EP400: variants seen among roughly 807,000 people sequenced by gnomAD.
EP400 encodes the protein E1A binding protein p400.
In EP400, 105 loss-of-function variants were observed where a neutral mutation model predicts 354.1. That is an observed-to-expected ratio of 0.30 (90% CI 0.25 to 0.35). The LOEUF (loss-of-function observed/expected upper bound fraction) is 0.35, where lower values mean the gene tolerates loss of function less well. Ranked by LOEUF, EP400 falls within the 10% of genes least tolerant of loss-of-function variation. The pLI, the probability that EP400 is intolerant of heterozygous loss-of-function variation, is 1.00. For missense variants in EP400, 3,280 were observed against 4,121.0 expected, an observed-to-expected ratio of 0.80 and a Z score of 5.59; for synonymous variants, 1,646 against 1,716.9, an observed-to-expected ratio of 0.96 and a Z score of 1.02.
Position 132,018,907 on chromosome 12 carries a change from G to A in EP400, c.4277+531G>A, listed in dbSNP as rs1593350697. On this transcript the variant is annotated intron_variant, in intron 21 of 52. Transcript: ENST00000389561. This position sits in a 1 kb window ranked among gnomAD's most constrained non-coding sequence, Gnocchi z 4.0. ...CAAAATCCTATGCTTGGGTTAAAAAGAAAGGAAAGGAAAGGAAATAGGTAT... is the reference window on the plus strand; with the variant it reads ...CAAAATCCTATGCTTGGGTTAAAAAAAAAGGAAAGGAAAGGAAATAGGTAT... Among the ~76,000 whole-genome samples the A allele has an allele frequency of 6.6e-6, 1 of 152,186 alleles. No individual in the cohort carries two copies. Among genetic ancestry groups the A allele is most frequent in the East Asian group, 1.9e-4 (1 of 5,200 alleles).
rs758952293 is a variant in EP400, at chr12:132,025,781, G to T, written c.4991G>T (p.Ser1664Ile). ...AGCAAGCCCCCGGCCGGCGGTCCCAGCCCTGCACCCTTGACCCCACAAGGT... is the reference window on the plus strand; with the variant it reads ...AGCAAGCCCCCGGCCGGCGGTCCCATCCCTGCACCCTTGACCCCACAAGGT... ...LGSKPPAGGP[S>I]PAPLTPQVGV... is the part of the protein sequence containing the mutation. The change falls in exon 25 of 53, where the codon AGC becomes ATC. Residue 1664 changes from serine (S) to isoleucine (I), a missense_variant. This residue lies in a region of EP400 where 459 missense variants were observed against 496.9 expected (regional missense o/e 0.92). Coordinates refer to ENST00000389561, the MANE Select transcript of EP400 (RefSeq NM_015409.5). This position sits in a 1 kb window ranked among gnomAD's most constrained non-coding sequence, Gnocchi z 4.1. 2 of 1,609,382 alleles carry T rather than the reference G, an allele frequency of 1.2e-6. No homozygotes were observed. The highest frequency in any genetic ancestry group is 2.7e-5 in the African/African-American group (2 of 74,914).
chr12:131,952,998 AT>A (rs1891568029), intron 1 of EP400, among the ~76,000 whole-genome samples: 1 of 151,906 alleles, frequency 6.6e-6, no homozygotes, highest in African/African-American at 2.4e-5. Context: ...TTTGGAATTC[AT>A]TTTTCTGGGT....
At chr12:132,031,763 G>C (rs1894510475) in intron 29 of EP400, among the ~76,000 whole-genome samples, 190 bp from the exon 30 acceptor site, 1 of 152,110 alleles carries the variant, frequency 6.6e-6, no homozygotes, top group Non-Finnish European at 1.5e-5. Flanking sequence ...CGCCATGTTA[G>C]CCAGGATGAT....
rs1894266341 is a variant in EP400 at position 132,025,253 on chromosome 12, A to G, written c.4856-393A>G. Among the ~76,000 whole-genome samples, 1 of 152,152 alleles carries G rather than the reference A, an allele frequency of 6.6e-6. No homozygotes were observed. Among genetic ancestry groups the G allele is most frequent in the Non-Finnish European group, 1.5e-5 (1 of 68,032 alleles). ...GCAGCCTCGTTAAACAGCAGCAGAA[A>G]AGCCACAGGCATCTGGGCTAAAAAC... On this transcript the variant is annotated intron_variant, in intron 24 of 52. Coordinates refer to ENST00000389561, the MANE Select transcript of EP400 (RefSeq NM_015409.5). This position sits in a 1 kb window ranked among gnomAD's most constrained non-coding sequence, Gnocchi z 4.1.
intron 2 of EP400, among the ~76,000 whole-genome samples, chr12:131,970,467 T>A (rs946010679): frequency 5.3e-5 from 8 of 152,228 alleles, no homozygotes; most frequent in African/African-American, 2.4e-5. Context: ...GAGAGACTCT[T>A]GTGTTTGTGC....
intron 51 of EP400, among the ~76,000 whole-genome samples, chr12:132,074,176 C>T (rs1368404444): frequency 1.3e-5 from 2 of 151,834 alleles, no homozygotes; most frequent in Admixed American, 6.5e-5. Context: ...CCACCTGCCT[C>T]GGCCTCCCAA....
At chr12:132,016,062 G>A (rs994385905) in intron 19 of EP400, among the ~76,000 whole-genome samples, 1 of 152,204 alleles carries the variant, frequency 6.6e-6, no homozygotes, top group Non-Finnish European at 1.5e-5. Flanking sequence ...TTACCAGCCA[G>A]TTCATATGGG....
At chr12:131,998,080 C>T (rs1355073037) in intron 12 of EP400, among the ~76,000 whole-genome samples, 4 of 152,206 alleles carry the variant, frequency 2.6e-5, no homozygotes, top group South Asian at 2.1e-4. Flanking sequence ...CCAGCTCAGA[C>T]GTAAAACAGG....
intron 15 of EP400, among the ~76,000 whole-genome samples, chr12:132,010,934 C>T (rs1175229755): frequency 1.3e-5 from 2 of 152,154 alleles, no homozygotes; most frequent in African/African-American, 2.4e-5. Flanking sequence ...AAGAGCAACA[C>T]TCCATCTTAA....
intron 41 of EP400, 128 bp from the exon 42 acceptor site, chr12:132,053,018 G>C: frequency 3.1e-6 from 3 of 954,842 alleles, no homozygotes; most frequent in Non-Finnish European, 4.9e-6. Context: ...TGGGCACCTT[G>C]CTTTACGCCC....
At chr12:132,063,809 G>T (rs1895790181) in intron 47 of EP400, among the ~76,000 whole-genome samples, 1 of 152,152 alleles carries the variant, frequency 6.6e-6, no homozygotes, top group East Asian at 1.9e-4. Flanking sequence ...GGGCTGCATG[G>T]CCATATGTGG....
rs1896320293 is a variant in EP400 at position 132,079,301 on chromosome 12, T to C, written c.*1628T>C. 1 of 152,270 alleles carries C rather than the reference T, an allele frequency of 6.6e-6. No homozygotes were observed. Among genetic ancestry groups the C allele is most frequent in the African/African-American group, 2.4e-5 (1 of 41,466 alleles). 9.4% of individuals were successfully genotyped at this position (152,270 alleles called of 1,614,324 possible). A position where few individuals can be genotyped will look rare whatever the true frequency, so the allele number is the denominator to read the frequency against. ...CAGAAGAAATTAATCTTTTAGTTAG[T>C]TGAACATACCAAAGCAGAGGACTGG... On this transcript the variant is annotated 3_prime_UTR_variant, in exon 53 of 53. Coordinates refer to ENST00000389561, the MANE Select transcript of EP400 (RefSeq NM_015409.5).
intron 2 of EP400, among the ~76,000 whole-genome samples, chr12:131,966,437 C>G (rs749891580): frequency 5.3e-4 from 81 of 151,688 alleles, no homozygotes; most frequent in Non-Finnish European, 2.1e-4. Context: ...GGCATGGTGG[C>G]ACACGCCTGT....
At chr12:132,076,904 A>G (rs527719169) in intron 52 of EP400, among the ~76,000 whole-genome samples, 14 of 152,336 alleles carry the variant, frequency 9.2e-5, no homozygotes, top group Admixed American at 2.6e-4. Context: ...GCCTCAGGCA[A>G]GCAGGCTCCG....
chr12:132,027,288 G>A lies in EP400; in HGVS notation c.5015-149G>A. The stretch of plus-strand genomic sequence containing the variant: ...ATGCACATTCCAGGCATGTGCTGGT[G>A]GAGGATGAGGACTTGGGGACATGCC... On this transcript the variant is annotated intron_variant, in intron 25 of 52. Transcript: ENST00000389561. The surrounding 1 kb of genome is among the most constrained non-coding windows in gnomAD (Gnocchi z 4.9). 3 of 747,520 alleles carry A rather than the reference G, an allele frequency of 4.0e-6. No individual in the cohort carries two copies. The highest frequency in any genetic ancestry group is 2.1e-5 in the Admixed American group (1 of 47,916). 46.3% of individuals were successfully genotyped at this position (747,520 alleles called of 1,614,324 possible).
intron 48 of EP400, chr12:132,065,151 G>C: frequency 1.6e-6 from 1 of 611,966 alleles, no homozygotes; most frequent in Non-Finnish European, 2.8e-6. Flanking sequence ...AGCGAGGTGA[G>C]ATGCAGCCTG....
In EP400 at chr12:132,021,392, A is replaced by G. The variant is rs1441953058; in HGVS notation, c.4690+71A>G. On this transcript the variant is annotated intron_variant, in intron 23 of 52. Transcript: ENST00000389561. ...GAGGAGTTGTGTTAAGAACACGGGG[A>G]TGTAGGAGGAGCCTTGCTGTCCACT... The G allele has an allele frequency of 9.1e-6, 13 of 1,433,948 alleles. 4 individuals carry two copies. In the South Asian group the frequency reaches 1.9e-4, roughly 21 times the overall value. 88.8% of individuals were successfully genotyped at this position (1,433,948 alleles called of 1,614,324 possible). A position where few individuals can be genotyped will look rare whatever the true frequency, so the allele number is the denominator to read the frequency against.
At chr12:132,019,291 C>T (rs1248723472) in intron 21 of EP400, among the ~76,000 whole-genome samples, 2 of 152,222 alleles carry the variant, frequency 1.3e-5, no homozygotes, top group Non-Finnish European at 2.9e-5. Flanking sequence ...ACCCTCCTGC[C>T]TTGGTCCCCC....
At chr12:131,996,700 T>G (rs183131304) in intron 12 of EP400, among the ~76,000 whole-genome samples, 51 of 152,364 alleles carry the variant, frequency 3.3e-4, no homozygotes, top group Admixed American at 2.9e-3. Context: ...TCTGCCACTC[T>G]GGGGGTAAAA....
Sources: gnomAD v4.1 joint callset for allele counts (sites outside exome capture counted in the v4.1 genomes callset) on GRCh38, gnomAD v4.1.1 for gene constraint, gnomAD v4.1.1 regional missense constraint, Gnocchi (gnomAD v3.1) non-coding constraint, MANE v1.5 for transcripts, NCBI Gene and HGNC (gene_info 2026-07-23, HGNC 2026-07-21) for gene names.